DMD: variants seen among roughly 807,000 people sequenced by gnomAD.
DMD encodes the protein mutant dystrophin.
In DMD, 63 loss-of-function variants were observed where a neutral mutation model predicts 330.1. That is an observed-to-expected ratio of 0.19 (90% CI 0.16 to 0.24). DMD has a LOEUF of 0.24. Among genes scored for constraint, DMD ranks in the 10% least tolerant of loss-of-function variants. The probability of loss-of-function intolerance (pLI) is 1.00; values close to 1 mark genes in which losing one functional copy is unlikely to be tolerated. For synonymous variants in DMD, 1,223 were observed against 959.8 expected (o/e 1.27, Z -5.07); for missense variants, 3,344 against 2,684.1 (o/e 1.25, Z -5.43).
chrX:31,733,579 T>C (rs2086660984), intron 51 of DMD, among the ~76,000 whole-genome samples: 1 of 111,673 alleles, frequency 9.0e-6, no homozygotes, highest in African/African-American at 3.2e-5. Context: ...CTTCAAAAAA[T>C]TAATATAAAG....
chrX:32,860,567 C>G (rs2081999979), intron 2 of DMD, among the ~76,000 whole-genome samples: 2 of 105,572 alleles, frequency 1.9e-5, no homozygotes, highest in African/African-American at 3.6e-5. Flanking sequence ...AAATAGGAAG[C>G]TTTCCGAGTT....
chrX:31,567,566 T>A (rs971840659), intron 55 of DMD, among the ~76,000 whole-genome samples: 4 of 111,622 alleles, frequency 3.6e-5, no homozygotes, highest in African/African-American at 1.3e-4. Flanking sequence ...CCCAGTTAGT[T>A]ATGGTATGAC....
intron 9 of DMD, among the ~76,000 whole-genome samples, chrX:32,647,409 G>C (rs777434739): frequency 9.0e-6 from 1 of 111,667 alleles, no homozygotes; most frequent in Non-Finnish European, 1.9e-5. Context: ...AAACAAGGTT[G>C]CTGGCAGCCC....
chrX:32,645,216 A>C (rs1194356458), intron 9 of DMD, 64 bp from the exon 10 acceptor site: 1 of 1,107,672 alleles, frequency 9.0e-7, no homozygotes, highest in South Asian at 1.9e-5. Flanking sequence ...CCAGTACATT[A>C]AATGATGAAT....
At chrX:32,130,506 C>T (rs1053740783) in intron 44 of DMD, among the ~76,000 whole-genome samples, 1 of 110,860 alleles carries the variant, frequency 9.0e-6, no homozygotes, top group Non-Finnish European at 1.9e-5. Flanking sequence ...GGTTAAAAAC[C>T]CCAATGGCTT....
Position 31,746,552 on chromosome X carries a change from A to G in DMD, c.7543-16804T>C, listed in dbSNP as rs373696448. Among the ~76,000 whole-genome samples, 22 of 112,100 alleles carry G rather than the reference A, an allele frequency of 2.0e-4. No individual in the cohort carries two copies. In the South Asian group the frequency reaches 8.3e-3, roughly 42 times the overall value. ...AAATACCTTAGGTAGAAATTAGTCA[A>G]ATATGGCTAGTCCAGGTTTCTTTAC... On this transcript the variant is annotated intron_variant, in intron 51 of 78. Coordinates refer to ENST00000357033, the MANE Select transcript of DMD (RefSeq NM_004006.3).
At chrX:33,024,811 T>C (rs1483128415) in intron 1 of DMD, among the ~76,000 whole-genome samples, 5 of 112,040 alleles carry the variant, frequency 4.5e-5, no homozygotes, top group South Asian at 3.7e-4. Flanking sequence ...GCAGGACTTA[T>C]TAGAATTGTG....
At chrX:33,047,354 A>C (rs898221136) in intron 1 of DMD, among the ~76,000 whole-genome samples, 1 of 111,681 alleles carries the variant, frequency 9.0e-6, no homozygotes, top group Non-Finnish European at 1.9e-5. Flanking sequence ...TTGTATTTTC[A>C]TTCTTCCCTC....
chrX:32,772,206 T>C (rs946542589), intron 7 of DMD, among the ~76,000 whole-genome samples: 3 of 112,716 alleles, frequency 2.7e-5, no homozygotes, highest in African/African-American at 9.7e-5. Context: ...TGCTTCATTT[T>C]TGAATGCCGT....
intron 2 of DMD, among the ~76,000 whole-genome samples, chrX:32,938,330 C>T (rs1169497827): frequency 1.8e-5 from 2 of 111,584 alleles, no homozygotes; most frequent in Non-Finnish European, 3.8e-5. Context: ...CATAAAATAA[C>T]CTGTGATAGT....
intron 53 of DMD, among the ~76,000 whole-genome samples, chrX:31,670,773 C>T (rs1189076468): frequency 8.9e-6 from 1 of 111,824 alleles, no homozygotes; most frequent in Non-Finnish European, 1.9e-5. Context: ...CTCTTTTCCT[C>T]TTCTTATAAA....
At chrX:31,887,441 C>T (rs1026579699) in intron 47 of DMD, among the ~76,000 whole-genome samples, 4 of 112,121 alleles carry the variant, frequency 3.6e-5, no homozygotes, top group Non-Finnish European at 7.5e-5. Flanking sequence ...ACGCTATCTT[C>T]CATTCTTCAA....
intron 16 of DMD, among the ~76,000 whole-genome samples, chrX:32,562,089 G>C (rs1044546402): frequency 8.9e-6 from 1 of 111,984 alleles, no homozygotes; most frequent in Admixed American, 9.5e-5. Flanking sequence ...CAAATTACAA[G>C]TATGTTTATA....
rs375049181 is a variant in DMD, at chrX:32,316,468, G to T, written c.5923-6192C>A. Among the ~76,000 whole-genome samples the T allele has an allele frequency of 1.8e-3, 204 of 111,063 alleles. 2 individuals are homozygous for T. The highest frequency in any genetic ancestry group is 6.4e-3 in the African/African-American group (197 of 30,721). On this transcript the variant is annotated intron_variant, in intron 41 of 78. Coordinates refer to ENST00000357033, the MANE Select transcript of DMD (RefSeq NM_004006.3). ...TACTTTAAATATATTTAATGAAGAC[G>T]GATCTATTGAAAGATTTACTATCTT...
rs759109943 is a variant in DMD, at chrX:31,999,176, C to T, written c.6439-30662G>A. ...CCTTTGTACTAACTCTTGACTCATA[C>T]TTTCCCATTTAAAGTAACTGTTTAT... On this transcript the variant is annotated intron_variant, in intron 44 of 78. Transcript: ENST00000357033. Among the ~76,000 whole-genome samples the T allele has an allele frequency of 2.1e-4, 24 of 112,004 alleles. No individual in the cohort carries two copies. The South Asian group carries it at 8.1e-3, about 38-fold the overall frequency.
At chrX:32,188,471 A>G (rs1421379362) in intron 44 of DMD, among the ~76,000 whole-genome samples, 1 of 102,603 alleles carries the variant, frequency 9.7e-6, no homozygotes, top group African/African-American at 3.5e-5. Flanking sequence ...TTTTTGGTCT[A>G]TAGTTAAACT....
At chrX:32,776,505 C>T (rs2074164746) in intron 7 of DMD, among the ~76,000 whole-genome samples, 1 of 111,258 alleles carries the variant, frequency 9.0e-6, no homozygotes, top group Non-Finnish European at 1.9e-5. Context: ...AGGAAACTTA[C>T]AATCATGGTG....
chrX:31,725,204 G>A (rs1033965407), intron 52 of DMD, among the ~76,000 whole-genome samples: 24 of 107,956 alleles, frequency 2.2e-4, no homozygotes, highest in Admixed American at 1.9e-3. Flanking sequence ...TCCGAGTCTC[G>A]GTTTTCTGTC....
chrX:32,761,293 A>G (rs1348515833), intron 7 of DMD, among the ~76,000 whole-genome samples: 2 of 111,652 alleles, frequency 1.8e-5, no homozygotes, highest in East Asian at 2.8e-4. Flanking sequence ...TCATTTAGTG[A>G]TAAATCGGTG....
Sources: gnomAD v4.1 joint callset for allele counts (sites outside exome capture counted in the v4.1 genomes callset) on GRCh38, gnomAD v4.1.1 for gene constraint, MANE v1.5 for transcripts, NCBI Gene and HGNC (gene_info 2026-07-23, HGNC 2026-07-21) for gene names.